The following PRKN variants were observed in gnomAD, a reference collection of about 807,000 sequenced individuals.
PRKN encodes parkin RBR E3 ubiquitin protein ligase, also known as E3 ubiquitin-protein ligase parkin.
In PRKN, 56 loss-of-function variants were observed where a neutral mutation model predicts 59.5. The observed-to-expected ratio is 0.94, with a 90% CI of 0.76 to 1.18. The LOEUF (loss-of-function observed/expected upper bound fraction) is 1.18. PRKN is among the 50% of genes most tolerant of loss of function. The pLI is 0.00. For missense variants in PRKN, 657 were observed against 596.4 expected (o/e 1.10, Z -1.06); for synonymous variants, 250 against 222.1 (o/e 1.13, Z -1.12).
At chr6:162,237,411 T>C (rs1778784403) in intron 3 of PRKN, among the ~76,000 whole-genome samples, 1 of 152,194 alleles carries the variant, frequency 6.6e-6, no homozygotes, top group Admixed American at 6.5e-5. Context: ...TTTCTTGCTT[T>C]TCTTCTTCAT....
intron 3 of PRKN, among the ~76,000 whole-genome samples, chr6:162,243,975 A>G (rs9355993): frequency 0.025 from 3,827 of 152,158 alleles, 64 homozygotes; most frequent in East Asian, 0.061. Context: ...ATAAAACCAG[A>G]TAGCTCCCTT....
intron 3 of PRKN, among the ~76,000 whole-genome samples, chr6:162,240,553 C>T (rs2128091229): frequency 6.6e-6 from 1 of 152,224 alleles, no homozygotes; most frequent in African/African-American, 2.4e-5. Context: ...GTGGGAGAAG[C>T]ATATTTAATA....
At chr6:161,988,723 A>G (rs1233296194) in intron 5 of PRKN, among the ~76,000 whole-genome samples, 1 of 152,176 alleles carries the variant, frequency 6.6e-6, no homozygotes, top group Non-Finnish European at 1.5e-5. Flanking sequence ...ACATCAATAT[A>G]TAAATCATAA....
intron 6 of PRKN, among the ~76,000 whole-genome samples, chr6:161,927,911 G>A (rs1034794798): frequency 2.6e-5 from 4 of 152,144 alleles, no homozygotes; most frequent in Admixed American, 6.5e-5. Context: ...TCATTGTTAA[G>A]GAAAAGAGTG....
chr6:162,487,239 G>C (rs1017416840), intron 1 of PRKN, among the ~76,000 whole-genome samples: 3 of 152,202 alleles, frequency 2.0e-5, no homozygotes. Context: ...TGCAGAAAGT[G>C]CTTCCTTATG....
chr6:162,235,961 G>GAAAAAGAAAGAAAGAAAGAAAGA (rs1371938849), intron 3 of PRKN, among the ~76,000 whole-genome samples: 15 of 54,378 alleles, frequency 2.8e-4, no homozygotes, highest in East Asian at 2.9e-3. Context: ...AAGAAAGGAA[G>GAAAAAGAAAGAAAGAAAGAAAGA]AAAGAAAGAA....
chr6:162,087,850 C>T (rs370987001), intron 4 of PRKN, among the ~76,000 whole-genome samples: 3 of 152,198 alleles, frequency 2.0e-5, no homozygotes, highest in African/African-American at 7.2e-5. Context: ...CCTCAGCCTC[C>T]CAAAGTGCTG....
At chr6:162,658,903 A>G (rs939101596) in intron 1 of PRKN, among the ~76,000 whole-genome samples, 2 of 152,094 alleles carry the variant, frequency 1.3e-5, no homozygotes, top group Admixed American at 1.3e-4. Context: ...TTAAAATGTT[A>G]TGACATTTAA....
intron 1 of PRKN, among the ~76,000 whole-genome samples, chr6:162,497,149 T>A (rs907651044): frequency 2.0e-5 from 3 of 152,196 alleles, no homozygotes; most frequent in African/African-American, 7.2e-5. Context: ...GGAAATCTCC[T>A]TTATAGGGTG....
intron 6 of PRKN, among the ~76,000 whole-genome samples, chr6:161,904,695 G>A (rs543125080): frequency 2.0e-3 from 299 of 152,292 alleles, no homozygotes; most frequent in Non-Finnish European, 2.8e-3. Flanking sequence ...AACTTGGGAT[G>A]TGCCAAGTCG....
At chr6:162,260,681 G>C (rs1278124095) in intron 3 of PRKN, among the ~76,000 whole-genome samples, 1 of 152,116 alleles carries the variant, frequency 6.6e-6, no homozygotes, top group Non-Finnish European at 1.5e-5. Context: ...AGAGAGTAGA[G>C]CCAGATGCAC....
intron 6 of PRKN, among the ~76,000 whole-genome samples, chr6:161,956,167 G>A (rs558837632): frequency 1.1e-4 from 17 of 152,276 alleles, no homozygotes; most frequent in African/African-American, 3.9e-4. Flanking sequence ...TTGAGAGACT[G>A]GGGAACTTGC....
At chr6:161,516,826 C>CAAAAAAAAAAAAAAAAAAAAAAAAA (rs369136348) in intron 9 of PRKN, among the ~76,000 whole-genome samples, 11 of 63,204 alleles carry the variant, frequency 1.7e-4, no homozygotes, top group Non-Finnish European at 2.2e-4. Flanking sequence ...GACTCAATCT[C>CAAAAAAAAAAAAAAAAAAAAAAAAA]AAAAAAAAAA....
chr6:162,094,517 A>ATTAAT (rs549985311), intron 4 of PRKN, among the ~76,000 whole-genome samples: 2 of 152,172 alleles, frequency 1.3e-5, no homozygotes, highest in Non-Finnish European at 1.5e-5. Context: ...TAATTAATTA[A>ATTAAT]TTAATTTAAT....
At chr6:162,683,442 G>A (rs1779846016) in intron 1 of PRKN, among the ~76,000 whole-genome samples, 1 of 152,140 alleles carries the variant, frequency 6.6e-6, no homozygotes, top group African/African-American at 2.4e-5. Flanking sequence ...TAAGATGCAA[G>A]ACTCTGTAGT....
rs1350396969 is a variant in PRKN at position 161,414,133 on chromosome 6, G to T, written c.1084-27256C>A. 6.6e-6 allele frequency among the ~76,000 whole-genome samples: 1 copy of T among 152,158 alleles called. No homozygotes were observed. On this transcript the variant is annotated intron_variant, in intron 9 of 11. Transcript: ENST00000366898. This position sits in a 1 kb window ranked among gnomAD's most constrained non-coding sequence, Gnocchi z 5.3. ...ACTTCTCTCTTTCTTTGCTGCAAAT[G>T]GCTCTCTGGAGCACAAACTCTCAAC...
intron 10 of PRKN, among the ~76,000 whole-genome samples, chr6:161,365,137 A>C (rs2114874551): frequency 1.3e-5 from 2 of 151,604 alleles, no homozygotes; most frequent in African/African-American, 4.8e-5. Context: ...GGAAATGGCA[A>C]ACAAAAGAGT....
At chr6:162,064,734 A>ATGTG in intron 4 of PRKN, among the ~76,000 whole-genome samples, 1 of 152,164 alleles carries the variant, frequency 6.6e-6, no homozygotes, top group Admixed American at 6.5e-5. Flanking sequence ...AAAAATCTGT[A>ATGTG]TTTTCAAAGT....
Position 161,789,372 on chromosome 6 carries a change from C to T in PRKN, c.735-3464G>A, listed in dbSNP as rs112390699. On this transcript the variant is annotated intron_variant, in intron 6 of 11. Transcript: ENST00000366898. ...GTAAAATAAACTGCCCCTCCCCTACCGTCCATCCTGTTCTCTCCGCACCTC... is the reference window on the plus strand; with the variant it reads ...GTAAAATAAACTGCCCCTCCCCTACTGTCCATCCTGTTCTCTCCGCACCTC... 4.4e-3 allele frequency among the ~76,000 whole-genome samples: 673 copies of T among 152,232 alleles called. 5 individuals carry two copies. Among genetic ancestry groups the T allele is most frequent in the African/African-American group, 0.015 (628 of 41,526 alleles).
Sources: allele counts gnomAD v4.1 joint callset (sites outside exome capture counted in the v4.1 genomes callset), GRCh38; gene constraint gnomAD v4.1.1; non-coding constraint Gnocchi (gnomAD v3.1); transcripts MANE v1.5; gene names NCBI Gene and HGNC (gene_info 2026-07-23, HGNC 2026-07-21).